The following ADAP2 variants were observed in gnomAD, a reference collection of about 807,000 sequenced individuals.
The protein encoded by ADAP2 is arf-GAP with dual PH domain-containing protein 2.
ADAP2 carries 42 observed loss-of-function variants against 54.9 expected under a neutral mutation model. That is an observed-to-expected ratio of 0.77 (90% CI 0.60 to 0.99). The LOEUF is 0.99. Ranked by LOEUF, ADAP2 falls within the 50% of genes least tolerant of loss-of-function variation. ADAP2 has a pLI of 0.00. For synonymous variants in ADAP2, 177 were observed against 180.1 expected (o/e 0.98, Z 0.14); for missense variants, 429 against 480.4 (o/e 0.89, Z 1.00).
At chr17:30,941,911 AT>A (rs796442209) in intron 5 of ADAP2, among the ~76,000 whole-genome samples, 48 of 144,936 alleles carry the variant, frequency 3.3e-4, no homozygotes, top group South Asian at 6.6e-4. Context: ...AAATCAAACT[AT>A]TTTTTTTTTT....
chr17:30,934,161 G>T (rs746251172), intron 4 of ADAP2, 24 bp from the exon 5 acceptor site: 6 of 1,592,616 alleles, frequency 3.8e-6, no homozygotes, highest in East Asian at 2.2e-5. Context: ...GTGTGTTCAC[G>T]CTTTGTCATC....
At chr17:30,948,223 T>C (rs1020285155) in intron 6 of ADAP2, among the ~76,000 whole-genome samples, 5 of 152,052 alleles carry the variant, frequency 3.3e-5, no homozygotes, top group Admixed American at 1.3e-4. Context: ...TTAAGACTTT[T>C]TTTTCTGAGG....
In ADAP2 at chr17:30,922,958, A is replaced by G; in HGVS notation, c.113A>G (p.Tyr38Cys). Reference sequence around the variant, plus strand: ...CCTGCAGATCCCGACTGGGCCTCTTACAAGCTGGGGATCTTCATCTGTCTC... The same window carrying G: ...CCTGCAGATCCCGACTGGGCCTCTTGCAAGCTGGGGATCTTCATCTGTCTC... ...CGAADPDWAS[Y>C]KLGIFICLNC... The change falls in exon 2 of 11, where the codon TAC (tyrosine) becomes TGC (cysteine). Residue 38 changes from tyrosine (Y) to cysteine (C), a missense_variant. Physicochemically the swap from Tyr to Cys is radical, Grantham distance 194. Transcript: ENST00000330889. The G allele has an allele frequency of 6.2e-7, 1 of 1,613,828 alleles. No individual in the cohort carries two copies. The highest frequency in any genetic ancestry group is 8.5e-7 in the Non-Finnish European group (1 of 1,179,958).
intron 6 of ADAP2, among the ~76,000 whole-genome samples, chr17:30,946,510 C>T (rs892042912): frequency 1.3e-5 from 2 of 152,208 alleles, no homozygotes; most frequent in Middle Eastern, 3.4e-3. Context: ...TGAGCTACTG[C>T]GCCCGGCTGA....
At chr17:30,954,448 A>G (rs1453649573) in intron 8 of ADAP2, 30 bp from the exon 9 acceptor site, 1 of 1,606,108 alleles carries the variant, frequency 6.2e-7, no homozygotes, top group African/African-American at 1.3e-5. Flanking sequence ...TGACCTGGTC[A>G]TCTGTGGTAA....
At chr17:30,942,786 C>A (rs77402204) in intron 5 of ADAP2, among the ~76,000 whole-genome samples, 1 of 152,052 alleles carries the variant, frequency 6.6e-6, no homozygotes, top group Non-Finnish European at 1.5e-5. Context: ...ACGTGGCCAA[C>A]AAGCAAATGA....
intron 4 of ADAP2, among the ~76,000 whole-genome samples, chr17:30,933,489 A>C (rs1427391677): frequency 6.6e-6 from 1 of 150,674 alleles, no homozygotes; most frequent in African/African-American, 2.4e-5. Flanking sequence ...CACCCAGCCC[A>C]TAAATTATTC....
At chr17:30,936,778 T>G (rs1236839481) in intron 5 of ADAP2, among the ~76,000 whole-genome samples, 1 of 152,158 alleles carries the variant, frequency 6.6e-6, no homozygotes, top group Admixed American at 6.5e-5. Context: ...CTTTTTATTA[T>G]TAAGTTGTAA....
At chr17:30,954,122 C>T in intron 8 of ADAP2, 1 of 191,748 alleles carries the variant, frequency 5.2e-6, no homozygotes, top group South Asian at 1.2e-4. Context: ...AGAATTTGGC[C>T]AAGGCCAGCA....
chr17:30,957,782 C>A (rs552856316), intron 10 of ADAP2, 53 bp from the exon 11 acceptor site: 5 of 1,581,504 alleles, frequency 3.2e-6, no homozygotes, highest in Non-Finnish European at 4.3e-6. Flanking sequence ...CTCTCCTCCA[C>A]AGGACAGCAT....
Position 30,923,667 on chromosome 17 carries a change from C to A in ADAP2, c.225+597C>A, listed in dbSNP as rs143640960. On this transcript the variant is annotated intron_variant, in intron 2 of 10. Transcript: ENST00000330889. ...CACATCTGTATTCAAGGGATACCAC[C>A]ACCATTTCTCTTTTTTTCTTTCTTC... 6.3e-3 allele frequency among the ~76,000 whole-genome samples: 950 copies of A among 150,564 alleles called. 6 individuals carry two copies. Among genetic ancestry groups the A allele is most frequent in the Middle Eastern group, 0.021 (6 of 290 alleles).
chr17:30,954,596 C>T, intron 9 of ADAP2, 41 bp downstream of exon 9: 3 of 1,534,686 alleles, frequency 2.0e-6, no homozygotes, highest in Non-Finnish European at 2.7e-6. Context: ...CTTCCTCAAA[C>T]ATTGCTGGGT....
At chr17:30,924,363 C>T (rs1910870468) in intron 2 of ADAP2, among the ~76,000 whole-genome samples, 1 of 150,526 alleles carries the variant, frequency 6.6e-6, no homozygotes, top group African/African-American at 2.5e-5. Flanking sequence ...AGAGTGAGAC[C>T]CTACCTCAAA....
At chr17:30,944,151 C>T (rs986263020) in intron 5 of ADAP2, among the ~76,000 whole-genome samples, 11 of 152,096 alleles carry the variant, frequency 7.2e-5, no homozygotes, top group African/African-American at 2.4e-4. Context: ...GAGATCACGC[C>T]GTTGCACTCC....
chr17:30,955,957 G>T (rs772352498), intron 9 of ADAP2, among the ~76,000 whole-genome samples: 1 of 151,946 alleles, frequency 6.6e-6, no homozygotes, highest in African/African-American at 2.4e-5. Context: ...ATGTTGTCCC[G>T]GTTGGTCTCA....
At chr17:30,926,350 C>T (rs891672092) in intron 2 of ADAP2, among the ~76,000 whole-genome samples, 1 of 152,170 alleles carries the variant, frequency 6.6e-6, no homozygotes, top group African/African-American at 2.4e-5. Context: ...CTCCATGAGG[C>T]GAGCACCCAC....
rs1452253392 is a variant in ADAP2, at chr17:30,950,714, G to GA, written c.741+1345dup. On this transcript the variant is annotated intron_variant, in intron 7 of 10. Transcript: ENST00000330889. ...TCCCCTCCAGGCCCAGGGATGTGCT[G>GA]AGATGGCAGCTCTCTGGGAGCAATT... Among the ~76,000 whole-genome samples, 9 of 152,318 alleles carry GA rather than the reference G, an allele frequency of 5.9e-5. No individual in the cohort carries two copies. In the South Asian group the frequency reaches 1.9e-3, roughly 32 times the overall value.
Position 30,954,500 on chromosome 17 carries a change from G to A in ADAP2, c.827G>A (p.Arg276Lys). The change falls in exon 9 of 11, where the codon AGG becomes AAG. Residue 276 changes from arginine (R) to lysine (K), a missense_variant. Coordinates refer to ENST00000330889, the MANE Select transcript of ADAP2 (RefSeq NM_018404.3). ...GPKQKEPFKK[R>K]WFALDCHERR... is the part of the protein sequence containing the mutation. ...CAGCAGAAAGAACCTTTCAAGAAAA[G>A]GTGGTTCGCCCTGGATTGCCATGAG... 2 of 1,614,148 alleles carry A rather than the reference G, an allele frequency of 1.2e-6. No individual in the cohort carries two copies. The highest frequency in any genetic ancestry group is 1.7e-6 in the Non-Finnish European group (2 of 1,180,014).
intron 7 of ADAP2, among the ~76,000 whole-genome samples, chr17:30,950,119 G>A (rs1190602569): frequency 1.3e-5 from 2 of 152,192 alleles, no homozygotes; most frequent in African/African-American, 2.4e-5. Flanking sequence ...GGAAGGGCAG[G>A]TGAATAACCA....
Sources: allele counts gnomAD v4.1 joint callset (sites outside exome capture counted in the v4.1 genomes callset), GRCh38; gene constraint gnomAD v4.1.1; transcripts MANE v1.5; gene names NCBI Gene and HGNC (gene_info 2026-07-23, HGNC 2026-07-21).